DPP10: variants seen among roughly 807,000 people sequenced by gnomAD.
The protein encoded by DPP10 is dipeptidyl peptidase like 10, also known as inactive dipeptidyl peptidase 10.
A neutral mutation model predicts 120.9 loss-of-function variants in DPP10; 33 were observed. That is an observed-to-expected ratio of 0.27 (90% confidence interval 0.21 to 0.37). The LOEUF (loss-of-function observed/expected upper bound fraction) is 0.37. DPP10 is among the 10% of genes least tolerant of loss of function. DPP10 has a pLI of 1.00. For missense variants in DPP10, 816 were observed against 942.8 expected, an observed-to-expected ratio of 0.87 and a Z score of 1.76; for synonymous variants, 337 against 326.1, an observed-to-expected ratio of 1.03 and a Z score of -0.36.
intron 1 of DPP10, among the ~76,000 whole-genome samples, chr2:114,563,307 G>T (rs1688920855): frequency 6.6e-6 from 1 of 151,924 alleles, no homozygotes; most frequent in Middle Eastern, 3.2e-3. Flanking sequence ...GGGAGGCAGA[G>T]GTTGCAGTGC....
At chr2:115,582,877 A>G (rs1558881593) in intron 5 of DPP10, among the ~76,000 whole-genome samples, 1 of 152,216 alleles carries the variant, frequency 6.6e-6, no homozygotes. Flanking sequence ...TTGTCACCAC[A>G]TTGCAGTGGG....
chr2:115,833,846 T>G (rs550968193), intron 21 of DPP10, among the ~76,000 whole-genome samples: 1 of 152,316 alleles, frequency 6.6e-6, no homozygotes, highest in South Asian at 2.1e-4. Flanking sequence ...ATCGGAAACT[T>G]CTGACCCCAA....
intron 1 of DPP10, among the ~76,000 whole-genome samples, chr2:114,676,426 G>T (rs974526854): frequency 5.3e-5 from 8 of 152,136 alleles, no homozygotes; most frequent in Non-Finnish European, 1.2e-4. Flanking sequence ...GTTTTGTGGT[G>T]AGCATTATTG....
chr2:115,845,710 A>T lies in DPP10; in HGVS notation c.*3365A>T, dbSNP rs1490272170. ...AAGAAATTATCACTGTGAATATTACAGGAGGAGAAATAAAATAAGAATAAA... is the reference window on the plus strand; with the variant it reads ...AAGAAATTATCACTGTGAATATTACTGGAGGAGAAATAAAATAAGAATAAA... On this transcript the variant is annotated 3_prime_UTR_variant, in exon 26 of 26. Coordinates refer to ENST00000410059, the MANE Select transcript of DPP10 (RefSeq NM_020868.6). 1 of 152,214 alleles carries T rather than the reference A, an allele frequency of 6.6e-6. No individual in the cohort carries two copies. The highest frequency in any genetic ancestry group is 1.9e-4 in the East Asian group (1 of 5,192). The allele number at this position is 152,214 out of a possible 1,614,324, so 9.4% of individuals were successfully genotyped here.
At chr2:115,733,924 AATAAT>A (rs2092970408) in intron 8 of DPP10, among the ~76,000 whole-genome samples, 2 of 152,238 alleles carry the variant, frequency 1.3e-5, no homozygotes, top group South Asian at 4.1e-4. Context: ...ATTCTTTGTA[AATAAT>A]ATAATATAAT....
chr2:115,524,111 A>T (rs2077986545), intron 4 of DPP10, among the ~76,000 whole-genome samples: 1 of 152,140 alleles, frequency 6.6e-6, no homozygotes, highest in Admixed American at 6.6e-5. Flanking sequence ...TGATTCTCTG[A>T]TACCAATTGA....
intron 4 of DPP10, among the ~76,000 whole-genome samples, chr2:115,519,613 A>C (rs1157308080): frequency 6.6e-6 from 1 of 152,238 alleles, no homozygotes; most frequent in Non-Finnish European, 1.5e-5. Flanking sequence ...GAGAACAATC[A>C]AGCCTTTGTT....
intron 5 of DPP10, among the ~76,000 whole-genome samples, chr2:115,588,950 G>A (rs1558890448): frequency 1.3e-5 from 2 of 152,134 alleles, no homozygotes; most frequent in Non-Finnish European, 1.5e-5. Flanking sequence ...AAAATGTATG[G>A]ATCTGATTAT....
chr2:114,606,193 A>G (rs1558926420), intron 1 of DPP10, among the ~76,000 whole-genome samples: 3 of 152,114 alleles, frequency 2.0e-5, no homozygotes, highest in Non-Finnish European at 4.4e-5. Flanking sequence ...CATGATCTAT[A>G]CACTTAATAA....
At chr2:115,382,040 A>G (rs1272019112) in intron 3 of DPP10, among the ~76,000 whole-genome samples, 1 of 152,178 alleles carries the variant, frequency 6.6e-6, no homozygotes, top group East Asian at 1.9e-4. Context: ...GGTGGAGCCT[A>G]CAGAGGCAGG....
intron 1 of DPP10, among the ~76,000 whole-genome samples, chr2:114,943,744 ATAT>A (rs1209525827): frequency 1.3e-5 from 2 of 152,354 alleles, no homozygotes; most frequent in Non-Finnish European, 2.9e-5. Context: ...TAAGTCACAA[ATAT>A]TATAGAAAAT....
In DPP10 at chr2:114,466,725, G is replaced by C. The variant is rs190399272; in HGVS notation, c.60+23887G>C. On this transcript the variant is annotated intron_variant, in intron 1 of 25. Transcript: ENST00000410059. ...ATTATTATCATCCATAATATAGAAC[G>C]TAAGCAATTGTCTGTTCGCTTTGAA... Among the ~76,000 whole-genome samples the C allele has an allele frequency of 1.5e-3, 236 of 152,258 alleles. 2 individuals carry two copies. Among genetic ancestry groups the C allele is most frequent in the Non-Finnish European group, 2.8e-4 (19 of 68,012 alleles).
chr2:114,587,068 C>T (rs1035068788), intron 1 of DPP10, among the ~76,000 whole-genome samples: 10 of 152,108 alleles, frequency 6.6e-5, no homozygotes, highest in South Asian at 2.1e-4. Flanking sequence ...GAGGCCGAGG[C>T]GGGCAGATCA....
chr2:114,713,267 C>A (rs188026843), intron 1 of DPP10, among the ~76,000 whole-genome samples: 1 of 152,084 alleles, frequency 6.6e-6, no homozygotes, highest in Non-Finnish European at 1.5e-5. Flanking sequence ...GGATTACAGG[C>A]GTGAGCCACC....
At chr2:114,919,821 C>T (rs541743543) in intron 1 of DPP10, among the ~76,000 whole-genome samples, 2 of 152,240 alleles carry the variant, frequency 1.3e-5, no homozygotes, top group East Asian at 3.9e-4. Flanking sequence ...GAGCTGAAGG[C>T]ATCTGAAGAT....
intron 21 of DPP10, among the ~76,000 whole-genome samples, chr2:115,816,976 C>T (rs565617890): frequency 1.3e-4 from 19 of 145,812 alleles, no homozygotes; most frequent in African/African-American, 2.5e-4. Context: ...AGGCCAGGCG[C>T]GGTGGCTCAC....
intron 1 of DPP10, among the ~76,000 whole-genome samples, chr2:115,079,412 G>A (rs142407546): frequency 1.8e-3 from 263 of 149,206 alleles, no homozygotes; most frequent in African/African-American, 6.2e-3. Context: ...AAAAATCAGA[G>A]ATTAACGGGG....
chr2:114,723,987 T>C (rs1046219998), intron 1 of DPP10, among the ~76,000 whole-genome samples: 1 of 152,166 alleles, frequency 6.6e-6, no homozygotes, highest in Non-Finnish European at 1.5e-5. Flanking sequence ...AACTGGGCAT[T>C]ATAATGGGAT....
chr2:114,507,401 A>G (rs1241974676), intron 1 of DPP10, among the ~76,000 whole-genome samples: 2 of 152,290 alleles, frequency 1.3e-5, no homozygotes, highest in Non-Finnish European at 2.9e-5. Context: ...TCCATGTTAT[A>G]CAAACATCAC....
Sources: allele counts gnomAD v4.1 joint callset (sites outside exome capture counted in the v4.1 genomes callset), GRCh38; gene constraint gnomAD v4.1.1; transcripts MANE v1.5; gene names NCBI Gene and HGNC (gene_info 2026-07-23, HGNC 2026-07-21).